Variants in MAF observed in about 807,000 individuals in gnomAD.
MAF encodes the protein MAF bZIP transcription factor.
Under a neutral mutation model 22.0 loss-of-function variants are expected in MAF, and 10 were observed. The observed-to-expected ratio is 0.45, with a 90% CI of 0.28 to 0.77. The LOEUF (loss-of-function observed/expected upper bound fraction) is 0.77, where lower values mean the gene tolerates loss of function less well. MAF is among the 30% of genes least tolerant of loss of function. MAF has a pLI of 0.12. For missense variants in MAF, 544 were observed against 548.4 expected (o/e 0.99, Z 0.08); for synonymous variants, 337 against 255.8 (o/e 1.32, Z -3.03).
chr16:79,306,536 G>C, the MAF span, among the ~76,000 whole-genome samples: 21 of 152,328 alleles, frequency 1.4e-4, no homozygotes, highest in African/African-American at 5.1e-4. Context: ...GATGTAATAA[G>C]ACTTGCAGAT....
At chr16:79,333,001 C>G in the MAF span, among the ~76,000 whole-genome samples, 6 of 152,366 alleles carry the variant, frequency 3.9e-5, no homozygotes, top group South Asian at 1.2e-3. Context: ...CCACTGGCAG[C>G]TGGACTGGCG....
the MAF span, among the ~76,000 whole-genome samples, chr16:79,248,844 T>TA: frequency 2.0e-5 from 3 of 152,192 alleles, no homozygotes; most frequent in African/African-American, 7.2e-5. Flanking sequence ...TCTATTAAGT[T>TA]ACTTGGTTAG....
downstream of MAF, among the ~76,000 whole-genome samples, chr16:79,583,714 T>A (rs1232090306): frequency 6.6e-6 from 1 of 152,222 alleles, no homozygotes; most frequent in Non-Finnish European, 1.5e-5. Context: ...TTGTCACAAC[T>A]CAAGATAGAA....
At chr16:79,268,165 A>G in the MAF span, among the ~76,000 whole-genome samples, 10 of 152,234 alleles carry the variant, frequency 6.6e-5, no homozygotes, top group South Asian at 2.1e-3. Context: ...CTCCATGACC[A>G]TGGGGTGTGG....
chr16:79,446,978 G>A, the MAF span, among the ~76,000 whole-genome samples: 51 of 152,096 alleles, frequency 3.4e-4, 1 homozygote, highest in Admixed American at 3.3e-3. Flanking sequence ...ATCAACATTG[G>A]TTTCACAAGA....
chr16:79,279,668 G>A, the MAF span, among the ~76,000 whole-genome samples: 7 of 152,182 alleles, frequency 4.6e-5, no homozygotes, highest in Non-Finnish European at 7.3e-5. Context: ...GGCAAGGACC[G>A]TGGCCAGTTC....
At chr16:79,328,680 A>G in the MAF span, among the ~76,000 whole-genome samples, 4 of 152,266 alleles carry the variant, frequency 2.6e-5, no homozygotes, top group African/African-American at 9.6e-5. Flanking sequence ...CATTTGGCCA[A>G]TATAACTCCA....
At chr16:79,296,314 A>G in the MAF span, among the ~76,000 whole-genome samples, 1 of 152,294 alleles carries the variant, frequency 6.6e-6, no homozygotes, top group Admixed American at 6.5e-5. Context: ...ATCAGCTCTG[A>G]ACAATGAGAA....
the MAF span, among the ~76,000 whole-genome samples, chr16:79,210,459 T>G: frequency 6.6e-6 from 1 of 152,116 alleles, no homozygotes; most frequent in Non-Finnish European, 1.5e-5. Flanking sequence ...ATGATAAGCT[T>G]TGGGTCGGGT....
At chr16:79,443,287 A>T in the MAF span, among the ~76,000 whole-genome samples, 1 of 152,044 alleles carries the variant, frequency 6.6e-6, no homozygotes, top group African/African-American at 2.4e-5. Flanking sequence ...TTGGGAAGAG[A>T]CTTCAAAGTG....
the MAF span, among the ~76,000 whole-genome samples, chr16:79,326,312 A>G: frequency 6.6e-6 from 1 of 152,184 alleles, no homozygotes; most frequent in Admixed American, 6.5e-5. Context: ...GATACCTAGC[A>G]TACTAGGGGC....
the MAF span, among the ~76,000 whole-genome samples, chr16:79,546,276 G>A: frequency 7.0e-6 from 1 of 142,690 alleles, no homozygotes; most frequent in Non-Finnish European, 1.5e-5. Flanking sequence ...TAACCCAAAT[G>A]AAAATCAAAA....
the MAF span, among the ~76,000 whole-genome samples, chr16:79,344,610 G>A: frequency 6.6e-6 from 1 of 152,160 alleles, no homozygotes; most frequent in African/African-American, 2.4e-5. Context: ...CTTGGAAACT[G>A]TCTATATAAT....
At chr16:79,491,322 A>C in the MAF span, among the ~76,000 whole-genome samples, 4 of 152,214 alleles carry the variant, frequency 2.6e-5, no homozygotes, top group Non-Finnish European at 5.9e-5. Context: ...TCATGAAATT[A>C]ACCAGAACTT....
At chr16:79,527,644 G>T in the MAF span, among the ~76,000 whole-genome samples, 1 of 152,108 alleles carries the variant, frequency 6.6e-6, no homozygotes, top group Admixed American at 6.5e-5. Context: ...CATTAAGGGG[G>T]GGGTCCCATC....
chr16:79,581,740 C>T (rs1912531719), downstream of MAF, among the ~76,000 whole-genome samples: 1 of 152,216 alleles, frequency 6.6e-6, no homozygotes. Context: ...AATCTGCCTT[C>T]ACCTCTCTTT....
the MAF span, chr16:79,206,519 A>T: frequency 5.3e-5 from 8 of 152,346 alleles, no homozygotes; most frequent in Non-Finnish European, 1.2e-4. Context: ...AACAATGCTT[A>T]CAAAGCTCTC....
At chr16:79,552,197 C>T in the MAF span, among the ~76,000 whole-genome samples, 1 of 150,098 alleles carries the variant, frequency 6.7e-6, no homozygotes, top group Non-Finnish European at 1.5e-5. Context: ...TCTTCTGAAC[C>T]TTGGCATCTG....
At chr16:79,247,185 G>C in the MAF span, among the ~76,000 whole-genome samples, 2 of 152,334 alleles carry the variant, frequency 1.3e-5, no homozygotes, top group East Asian at 3.9e-4. Flanking sequence ...TGCCTGGTGA[G>C]CAAATAGCCA....
Sources: allele counts gnomAD v4.1 joint callset (sites outside exome capture counted in the v4.1 genomes callset), GRCh38; gene constraint gnomAD v4.1.1; transcripts MANE v1.5; gene names NCBI Gene and HGNC (gene_info 2026-07-23, HGNC 2026-07-21).